The following FAM81A variants were observed in gnomAD, a reference collection of about 807,000 sequenced individuals.
FAM81A encodes protein FAM81A.
In FAM81A, 19 loss-of-function variants were observed where a neutral mutation model predicts 46.7. That is an observed-to-expected ratio of 0.41 (90% CI 0.28 to 0.60). The LOEUF is 0.60. Ranked by LOEUF, FAM81A falls within the 20% of genes least tolerant of loss-of-function variation. The probability of loss-of-function intolerance (pLI) is 0.34; values close to 1 mark genes in which losing one functional copy is unlikely to be tolerated. For synonymous variants in FAM81A, 183 were observed against 152.9 expected (o/e 1.20, Z -1.45); for missense variants, 377 against 453.5 (o/e 0.83, Z 1.53).
At chr15:59,472,775 A>AC (rs1388137868) in intron 3 of FAM81A, among the ~76,000 whole-genome samples, 1 of 151,802 alleles carries the variant, frequency 6.6e-6, no homozygotes, top group Non-Finnish European at 1.5e-5. Context: ...ATTTCCATTA[A>AC]CCCCCTTAAG....
chr15:59,501,582 A>G (rs2082091241), intron 4 of FAM81A, among the ~76,000 whole-genome samples: 1 of 152,196 alleles, frequency 6.6e-6, no homozygotes, highest in Non-Finnish European at 1.5e-5. Context: ...ACTATGTCAT[A>G]TGCTGACAGA....
At chr15:59,410,011 A>G (rs7164203) in intron 2 of FAM81A, among the ~76,000 whole-genome samples, 52,185 of 152,016 alleles carry the variant, frequency 0.34, 9,611 homozygotes, top group East Asian at 0.54. Flanking sequence ...TATAGAAATT[A>G]CTAGTGCAGG....
intron 7 of FAM81A, among the ~76,000 whole-genome samples, chr15:59,515,080 A>G (rs1230112937): frequency 6.6e-6 from 1 of 152,022 alleles, no homozygotes; most frequent in Non-Finnish European, 1.5e-5. Context: ...CCCCATCTCT[A>G]CAAAAAACAC....
intron 1 of FAM81A, among the ~76,000 whole-genome samples, chr15:59,453,473 A>T (rs1012382167): frequency 6.6e-6 from 1 of 152,182 alleles, no homozygotes; most frequent in African/African-American, 2.4e-5. Context: ...GCTGTTAGTT[A>T]TGTGACCCCC....
chr15:59,492,226 C>G (rs751935746), intron 3 of FAM81A, 45 bp from the exon 4 acceptor site: 1 of 1,420,352 alleles, frequency 7.0e-7, no homozygotes, highest in Admixed American at 1.9e-5. Flanking sequence ...TGTGGAAGCA[C>G]GTGAATTCTT....
chr15:59,500,386 C>T (rs2082078896), intron 4 of FAM81A, among the ~76,000 whole-genome samples: 1 of 152,156 alleles, frequency 6.6e-6, no homozygotes, highest in Admixed American at 6.5e-5. Flanking sequence ...TAATCTCAAA[C>T]TGCTGGGCTC....
chr15:59,499,677 G>T (rs1324503726), intron 4 of FAM81A, among the ~76,000 whole-genome samples: 1 of 151,962 alleles, frequency 6.6e-6, no homozygotes, highest in Non-Finnish European at 1.5e-5. Flanking sequence ...ATTCTTGGTT[G>T]GATGTAAGAT....
At chr15:59,518,779 T>C (rs2082294284) in intron 8 of FAM81A, among the ~76,000 whole-genome samples, 1 of 151,600 alleles carries the variant, frequency 6.6e-6, no homozygotes, top group African/African-American at 2.4e-5. Context: ...TCTAGTGTCT[T>C]TTTTTTTCTA....
chr15:59,411,662 T>A (rs2081121183), intron 2 of FAM81A, among the ~76,000 whole-genome samples: 1 of 152,168 alleles, frequency 6.6e-6, no homozygotes, highest in African/African-American at 2.4e-5. Context: ...ACTCCTGTAA[T>A]CCCAGCACTT....
chr15:59,518,224 C>T (rs777485660), intron 8 of FAM81A, among the ~76,000 whole-genome samples: 14 of 151,718 alleles, frequency 9.2e-5, no homozygotes, highest in South Asian at 4.2e-4. Flanking sequence ...ATGATCCTCC[C>T]GCCTCGGCCT....
intron 3 of FAM81A, among the ~76,000 whole-genome samples, chr15:59,464,027 CA>C (rs1401270974): frequency 1.3e-5 from 2 of 152,100 alleles, no homozygotes; most frequent in African/African-American, 4.8e-5. Context: ...TCTTTGAGAT[CA>C]ACTTTTTTTA....
Position 59,521,242 on chromosome 15 carries a change from CT to C in FAM81A, c.983-11del. The C allele has an allele frequency of 6.3e-7, 1 of 1,598,396 alleles. No individual in the cohort carries two copies. The highest frequency in any genetic ancestry group is 8.5e-7 in the Non-Finnish European group (1 of 1,174,052). ...AATTGTTAACTGTTGTGAAATTTAC[CT>C]CTCCTTCAAGGGTTTACAGCCGTCT... On this transcript the variant is annotated splice_polypyrimidine_tract_variant and intron_variant, in intron 8 of 8. Transcript: ENST00000288228.
At chr15:59,423,530 G>T (rs1004182898) in intron 2 of FAM81A, among the ~76,000 whole-genome samples, 5 of 152,154 alleles carry the variant, frequency 3.3e-5, no homozygotes, top group African/African-American at 1.2e-4. Flanking sequence ...CTGACTCCAA[G>T]ACTTGACCTC....
At chr15:59,479,608 AAGGTGGTGGTG>A (rs2081823293) in intron 3 of FAM81A, among the ~76,000 whole-genome samples, 2 of 151,166 alleles carry the variant, frequency 1.3e-5, no homozygotes, top group African/African-American at 4.9e-5. Context: ...CAGGCAAGCC[AAGGTGGTGGTG>A]TTGAGGGAGG....
chr15:59,489,563 A>G (rs191715769), intron 3 of FAM81A, among the ~76,000 whole-genome samples: 1 of 152,322 alleles, frequency 6.6e-6, no homozygotes, highest in Admixed American at 6.5e-5. Flanking sequence ...AAAATCCTAA[A>G]GTTCACATGG....
intron 1 of FAM81A, among the ~76,000 whole-genome samples, chr15:59,450,931 G>A (rs1375834542): frequency 2.0e-5 from 3 of 152,210 alleles, no homozygotes; most frequent in Non-Finnish European, 4.4e-5. Context: ...TCTGGATGCT[G>A]TATTCTCTTG....
upstream of FAM81A, among the ~76,000 whole-genome samples, chr15:59,437,443 A>C (rs1395604636): frequency 6.6e-6 from 1 of 151,892 alleles, no homozygotes; most frequent in Non-Finnish European, 1.5e-5. Flanking sequence ...TGAGAATCCA[A>C]AATCGAGAGG....
intron 2 of FAM81A, among the ~76,000 whole-genome samples, chr15:59,411,110 T>G (rs887723115): frequency 7.2e-5 from 11 of 152,212 alleles, no homozygotes; most frequent in Admixed American, 5.9e-4. Context: ...GAACATTATG[T>G]TAAAGTATAT....
At chr15:59,447,728 A>G (rs2141603082) in intron 1 of FAM81A, among the ~76,000 whole-genome samples, 1 of 152,298 alleles carries the variant, frequency 6.6e-6, no homozygotes, top group East Asian at 1.9e-4. Flanking sequence ...GATAACAACT[A>G]TCCACACCAC....
Sources: gnomAD v4.1 joint callset for allele counts (sites outside exome capture counted in the v4.1 genomes callset) on GRCh38, gnomAD v4.1.1 for gene constraint, MANE v1.5 for transcripts, NCBI Gene and HGNC (gene_info 2026-07-23, HGNC 2026-07-21) for gene names.